Variants in KHDRBS2 observed in about 807,000 individuals in gnomAD.
KHDRBS2 encodes the protein KH RNA binding domain containing, signal transduction associated 2, also known as KH domain-containing, RNA-binding, signal transduction-associated protein 2.
In KHDRBS2, 26 loss-of-function variants were observed where a neutral mutation model predicts 44.3. That is an observed-to-expected ratio of 0.59 (90% CI 0.43 to 0.81). The LOEUF is 0.81. Among genes scored for constraint, KHDRBS2 ranks in the 40% least tolerant of loss-of-function variants. KHDRBS2 has a pLI of 0.00. For synonymous variants in KHDRBS2, 194 were observed against 151.1 expected, an observed-to-expected ratio of 1.28 and a Z score of -2.08; for missense variants, 476 against 433.1, an observed-to-expected ratio of 1.10 and a Z score of -0.88.
intron 6 of KHDRBS2, among the ~76,000 whole-genome samples, chr6:61,754,558 T>A (rs1487253763): frequency 7.6e-6 from 1 of 131,572 alleles, no homozygotes; most frequent in Non-Finnish European, 1.5e-5. Flanking sequence ...ATGAACTATG[T>A]TTTATGCTTT....
At chr6:61,830,707 G>A (rs56399133) in intron 6 of KHDRBS2, among the ~76,000 whole-genome samples, 205 of 152,182 alleles carry the variant, frequency 1.3e-3, no homozygotes, top group African/African-American at 4.9e-3. Context: ...TCATGTCCTG[G>A]GTACAGGTTA....
At chr6:61,881,284 A>G (rs1299573764) in intron 6 of KHDRBS2, among the ~76,000 whole-genome samples, 3 of 151,658 alleles carry the variant, frequency 2.0e-5, no homozygotes, top group Non-Finnish European at 2.9e-5. Context: ...CAGCAAATCT[A>G]TGATTGGCAT....
intron 4 of KHDRBS2, among the ~76,000 whole-genome samples, chr6:61,961,879 A>G (rs548233281): frequency 1.3e-5 from 2 of 152,146 alleles, no homozygotes; most frequent in Non-Finnish European, 2.9e-5. Flanking sequence ...GACTGACATG[A>G]TCTGGATTAC....
At chr6:62,230,482 T>G (rs1186172422) in intron 1 of KHDRBS2, among the ~76,000 whole-genome samples, 1 of 152,148 alleles carries the variant, frequency 6.6e-6, no homozygotes, top group African/African-American at 2.4e-5. Context: ...TTAAACATTG[T>G]TTTGAACAGA....
chr6:61,613,702 TCTA>T, the KHDRBS2 span, among the ~76,000 whole-genome samples: 1 of 152,224 alleles, frequency 6.6e-6, no homozygotes, highest in Non-Finnish European at 1.5e-5. Flanking sequence ...GGGTATTAAT[TCTA>T]CTGAATAATG....
At chr6:62,253,462 C>G (rs28699021) in intron 1 of KHDRBS2, among the ~76,000 whole-genome samples, 1 of 151,860 alleles carries the variant, frequency 6.6e-6, no homozygotes, top group African/African-American at 2.4e-5. Flanking sequence ...CAATCTCTCT[C>G]TGTCTCTATT....
intron 7 of KHDRBS2, among the ~76,000 whole-genome samples, chr6:61,716,513 C>A (rs1771453679): frequency 6.6e-6 from 1 of 152,098 alleles, no homozygotes; most frequent in East Asian, 1.9e-4. Flanking sequence ...AGACTTCCAG[C>A]TCTTCTTGGG....
In KHDRBS2 at chr6:61,690,776, G is replaced by A. The variant is rs114720065; in HGVS notation, c.952+6419C>T. The stretch of plus-strand genomic sequence containing the variant: ...TTCAAAAATGCAAATGACTGGCACA[G>A]TTTGGCAATTCATCCTTTCAGTAGT... On this transcript the variant is annotated intron_variant, in intron 8 of 8. Coordinates refer to ENST00000281156, the MANE Select transcript of KHDRBS2 (RefSeq NM_152688.4). Among the ~76,000 whole-genome samples, 395 of 152,136 alleles carry A rather than the reference G, an allele frequency of 2.6e-3. 1 individual carries two copies. Among genetic ancestry groups the A allele is most frequent in the African/African-American group, 8.1e-3 (338 of 41,546 alleles).
At chr6:61,718,105 A>C (rs114439320) in intron 7 of KHDRBS2, among the ~76,000 whole-genome samples, 3 of 152,188 alleles carry the variant, frequency 2.0e-5, no homozygotes, top group African/African-American at 7.2e-5. Context: ...ATTAAATGAG[A>C]TAAAACACCT....
At chr6:61,967,204 C>CA (rs57036975) in intron 4 of KHDRBS2, among the ~76,000 whole-genome samples, 24 of 123,632 alleles carry the variant, frequency 1.9e-4, no homozygotes, top group African/African-American at 6.9e-4. Context: ...ACTATGTTTA[C>CA]AAAAAAAAAA....
At chr6:61,716,474 T>C (rs1327101022) in intron 7 of KHDRBS2, among the ~76,000 whole-genome samples, 5 of 152,040 alleles carry the variant, frequency 3.3e-5, no homozygotes, top group Non-Finnish European at 7.4e-5. Flanking sequence ...GGGTGGTTTC[T>C]TGATGCAGGA....
the KHDRBS2 span, among the ~76,000 whole-genome samples, chr6:61,614,136 C>G: frequency 6.6e-6 from 1 of 152,144 alleles, no homozygotes; most frequent in Non-Finnish European, 1.5e-5. Context: ...GTGAGAACCT[C>G]ACTACTTACA....
At chr6:61,724,325 A>G (rs1773193943) in intron 7 of KHDRBS2, among the ~76,000 whole-genome samples, 1 of 152,108 alleles carries the variant, frequency 6.6e-6, no homozygotes, top group Admixed American at 6.6e-5. Flanking sequence ...TAGACTAAAT[A>G]TGGAAAGAAA....
At chr6:61,974,540 C>CT (rs1300463866) in intron 4 of KHDRBS2, among the ~76,000 whole-genome samples, 1 of 152,004 alleles carries the variant, frequency 6.6e-6, no homozygotes, top group African/African-American at 2.4e-5. Flanking sequence ...ATAATGAAAA[C>CT]TTTAATACTT....
chr6:61,931,171 C>T (rs566762201), intron 4 of KHDRBS2, among the ~76,000 whole-genome samples: 16 of 151,910 alleles, frequency 1.1e-4, no homozygotes, highest in African/African-American at 2.4e-4. Context: ...ATACTACTTA[C>T]GCATCTTCAC....
intron 6 of KHDRBS2, among the ~76,000 whole-genome samples, chr6:61,795,019 A>C (rs1299862191): frequency 6.6e-6 from 1 of 151,736 alleles, no homozygotes; most frequent in African/African-American, 2.4e-5. Flanking sequence ...GATACCTGTA[A>C]TCCTAGCTAC....
intron 6 of KHDRBS2, among the ~76,000 whole-genome samples, chr6:61,786,955 C>G (rs1402727876): frequency 6.6e-6 from 1 of 150,894 alleles, no homozygotes; most frequent in Non-Finnish European, 1.5e-5. Context: ...TGTTTCATTT[C>G]CCATAATTTC....
At chr6:62,051,032 C>T (rs1399376437) in intron 2 of KHDRBS2, among the ~76,000 whole-genome samples, 1 of 152,012 alleles carries the variant, frequency 6.6e-6, no homozygotes, top group African/African-American at 2.4e-5. Flanking sequence ...TTAGGTTCCA[C>T]TATTACAAAA....
chr6:61,598,691 A>C, the KHDRBS2 span, among the ~76,000 whole-genome samples: 1 of 152,148 alleles, frequency 6.6e-6, no homozygotes, highest in South Asian at 2.1e-4. Flanking sequence ...GAATCTACTT[A>C]AGAATTTATT....
Sources: gnomAD v4.1 joint callset for allele counts (sites outside exome capture counted in the v4.1 genomes callset) on GRCh38, gnomAD v4.1.1 for gene constraint, MANE v1.5 for transcripts, NCBI Gene and HGNC (gene_info 2026-07-23, HGNC 2026-07-21) for gene names.